Variants in NEK7 observed in about 807,000 individuals in gnomAD.
NEK7 encodes serine/threonine-protein kinase Nek7.
A neutral mutation model predicts 44.6 loss-of-function variants in NEK7; 18 were observed. The ratio of observed to expected loss-of-function variants is 0.40; its 90% CI spans 0.28 to 0.60. The LOEUF is 0.60. Ranked by LOEUF, NEK7 falls within the 20% of genes least tolerant of loss-of-function variation. The pLI, the probability that NEK7 is intolerant of heterozygous loss-of-function variation, is 0.38. For synonymous variants in NEK7, 130 were observed against 121.1 expected, an observed-to-expected ratio of 1.07 and a Z score of -0.48; for missense variants, 256 against 366.5, an observed-to-expected ratio of 0.70 and a Z score of 2.46.
chr1:198,250,490 T>C (rs1249644510), intron 2 of NEK7, among the ~76,000 whole-genome samples: 2 of 151,058 alleles, frequency 1.3e-5, no homozygotes, highest in Non-Finnish European at 3.0e-5. Context: ...ATTTTCACGA[T>C]ATTGATTCTT....
intron 1 of NEK7, among the ~76,000 whole-genome samples, chr1:198,160,366 A>G (rs1026747987): frequency 1.3e-5 from 2 of 150,556 alleles, no homozygotes. Flanking sequence ...ACAGTGTAGT[A>G]TTTAAAAAAT....
chr1:198,294,611 T>C (rs12075431), intron 8 of NEK7, among the ~76,000 whole-genome samples: 51,272 of 151,902 alleles, frequency 0.34, 9,915 homozygotes, highest in East Asian at 0.8. Flanking sequence ...TCTTTTAGAT[T>C]TAGCATACTC....
chr1:198,221,172 T>G (rs1279542219), intron 1 of NEK7: 2 of 152,028 alleles, frequency 1.3e-5, no homozygotes, highest in African/African-American at 4.8e-5. Flanking sequence ...TTAGGGAAAC[T>G]TTGATAGCAT....
chr1:198,314,745 A>G (rs551715453), intron 9 of NEK7, among the ~76,000 whole-genome samples: 241 of 152,294 alleles, frequency 1.6e-3, no homozygotes, highest in Admixed American at 3.5e-3. Context: ...TAGGCTGCTC[A>G]GGGGTCAGGG....
chr1:198,315,908 A>G (rs1571626564), intron 9 of NEK7, among the ~76,000 whole-genome samples: 2 of 152,348 alleles, frequency 1.3e-5, no homozygotes, highest in East Asian at 1.9e-4. Flanking sequence ...GGCTGGAGAC[A>G]GATAACCTGT....
chr1:198,240,816 C>A (rs1290240903), intron 2 of NEK7, among the ~76,000 whole-genome samples: 1 of 152,214 alleles, frequency 6.6e-6, no homozygotes, highest in African/African-American at 2.4e-5. Flanking sequence ...CTGCCTCAGC[C>A]TCCTGAGTAG....
Position 198,321,106 on chromosome 1 carries a change from A to T in NEK7, c.*1584A>T, listed in dbSNP as rs1655522459. ...AAGAACACTTCCCTTTAGCCGATGTAACTGCTGGTTTTGTTTTTCATATGT... is the reference window on the plus strand; with the variant it reads ...AAGAACACTTCCCTTTAGCCGATGTTACTGCTGGTTTTGTTTTTCATATGT... On this transcript the variant is annotated 3_prime_UTR_variant, in exon 10 of 10. Transcript: ENST00000367385. 1 of 152,196 alleles carries T rather than the reference A, an allele frequency of 6.6e-6. No individual in the cohort carries two copies. Among genetic ancestry groups the T allele is most frequent in the African/African-American group, 2.4e-5 (1 of 41,448 alleles). 9.4% of individuals were successfully genotyped at this position (152,196 alleles called of 1,614,324 possible).
chr1:198,198,138 TG>T, intron 1 of NEK7: 3 of 856,344 alleles, frequency 3.5e-6, no homozygotes, highest in Admixed American at 2.0e-5. Flanking sequence ...TACCCTATGG[TG>T]GGGGGATATG....
At chr1:198,319,318 G>C (rs1655468307) in intron 9 of NEK7, 94 bp from the exon 10 acceptor site, 1 of 712,968 alleles carries the variant, frequency 1.4e-6, no homozygotes, top group Admixed American at 2.8e-5. Flanking sequence ...TACTTTCCTT[G>C]TAAAATCTAT....
At position 198,231,299 on chromosome 1, in the gene NEK7, G is replaced by GTATATATATATATA. The variant is rs1375044919; in HGVS notation, c.-28-1253_-28-1252insATATATATATATAT. 1.1e-3 allele frequency among the ~76,000 whole-genome samples: 110 copies of GTATATATATATATA among 98,190 alleles called. 1 individual carries two copies. Among genetic ancestry groups the GTATATATATATATA allele is most frequent in the African/African-American group, 3.9e-3 (91 of 23,180 alleles). The allele number at this position is 98,190 out of a possible 152,430, so 64.4% of individuals were successfully genotyped here. The stretch of plus-strand genomic sequence containing the variant: ...TGTGTGTATATACGTGTATGTGTGT[G>GTATATATATATATA]TGTATATATATATATATATATATAT... On this transcript the variant is annotated intron_variant, in intron 1 of 9. Transcript: ENST00000367385.
chr1:198,281,818 C>T (rs1022271777), intron 7 of NEK7, among the ~76,000 whole-genome samples: 2 of 151,916 alleles, frequency 1.3e-5, no homozygotes. Flanking sequence ...TTATTTGTAT[C>T]TTTTCATTCC....
intron 1 of NEK7, among the ~76,000 whole-genome samples, chr1:198,161,988 C>T (rs1393660960): frequency 6.6e-6 from 1 of 151,968 alleles, no homozygotes; most frequent in Admixed American, 6.6e-5. Context: ...GAAACATTAA[C>T]TTAGTCTTTC....
At chr1:198,201,344 A>G (rs1329159575) in intron 1 of NEK7, among the ~76,000 whole-genome samples, 1 of 152,216 alleles carries the variant, frequency 6.6e-6, no homozygotes, top group Non-Finnish European at 1.5e-5. Context: ...TCATTTGAAA[A>G]GCCAGGAGTA....
chr1:198,258,223 G>A (rs1198834036), intron 3 of NEK7, among the ~76,000 whole-genome samples: 1 of 152,084 alleles, frequency 6.6e-6, no homozygotes, highest in East Asian at 1.9e-4. Flanking sequence ...GGCAGATGAC[G>A]AAGTCAAGAG....
intron 9 of NEK7, among the ~76,000 whole-genome samples, chr1:198,300,971 GT>G (rs1252311993): frequency 2.0e-5 from 3 of 152,116 alleles, no homozygotes; most frequent in East Asian, 3.9e-4. Context: ...TAAATAGACT[GT>G]TTTCCTTCCA....
At chr1:198,291,637 A>ATACTTT (rs944718053) in intron 7 of NEK7, among the ~76,000 whole-genome samples, 3 of 151,646 alleles carry the variant, frequency 2.0e-5, no homozygotes, top group Non-Finnish European at 4.4e-5. Flanking sequence ...TTCTGTTTGC[A>ATACTTT]TACTTTTTTT....
intron 1 of NEK7, among the ~76,000 whole-genome samples, chr1:198,182,703 T>C (rs1023133118): frequency 3.9e-5 from 6 of 152,330 alleles, no homozygotes; most frequent in African/African-American, 9.6e-5. Context: ...CATCTACTTA[T>C]AATTTTTACA....
rs1655545075 is a variant in NEK7, at chr1:198,321,912, C to T, written c.*2390C>T. On this transcript the variant is annotated 3_prime_UTR_variant, in exon 10 of 10. Transcript: ENST00000367385. Reference sequence around the variant, plus strand: ...AATGAAAGCTATATCTATTCTAAACCTTATTTAGACATTGGTACCAGTTAC... The same window carrying T: ...AATGAAAGCTATATCTATTCTAAACTTTATTTAGACATTGGTACCAGTTAC... The T allele has an allele frequency of 6.6e-6, 1 of 151,960 alleles. No homozygotes were observed. Among genetic ancestry groups the T allele is most frequent in the South Asian group, 2.1e-4 (1 of 4,824 alleles). The allele number at this position is 151,960 out of a possible 1,614,324, so 9.4% of individuals were successfully genotyped here. A position where few individuals can be genotyped will look rare whatever the true frequency, so the allele number is the denominator to read the frequency against.
Position 198,321,799 on chromosome 1 carries a change from G to T in NEK7, c.*2277G>T, listed in dbSNP as rs1390079677. ...ATGATTTGAAGCTCTAATTTATATA[G>T]TCACCTATAAAATGTTCTTTATATG... On this transcript the variant is annotated 3_prime_UTR_variant, in exon 10 of 10. Coordinates refer to ENST00000367385, the MANE Select transcript of NEK7 (RefSeq NM_133494.3). The T allele has an allele frequency of 2.6e-5, 4 of 152,030 alleles. No individual in the cohort carries two copies. Among genetic ancestry groups the T allele is most frequent in the African/African-American group, 9.7e-5 (4 of 41,414 alleles). 9.4% of individuals were successfully genotyped at this position (152,030 alleles called of 1,614,324 possible).
Sources: gnomAD v4.1 joint callset for allele counts (sites outside exome capture counted in the v4.1 genomes callset) on GRCh38, gnomAD v4.1.1 for gene constraint, MANE v1.5 for transcripts, NCBI Gene and HGNC (gene_info 2026-07-23, HGNC 2026-07-21) for gene names.